DGKI: variants seen among roughly 807,000 people sequenced by gnomAD.
The protein encoded by DGKI is DAG kinase iota.
DGKI carries 55 observed loss-of-function variants against 147.5 expected under a neutral mutation model. The observed-to-expected ratio is 0.37, with a 90% CI of 0.30 to 0.47. The LOEUF (loss-of-function observed/expected upper bound fraction) is 0.47, where lower values mean the gene tolerates loss of function less well. Ranked by LOEUF, DGKI falls within the 20% of genes least tolerant of loss-of-function variation. The probability of loss-of-function intolerance (pLI) is 1.00; values close to 1 mark genes in which losing one functional copy is unlikely to be tolerated. For synonymous variants in DGKI, 469 were observed against 477.1 expected (o/e 0.98, Z 0.22); for missense variants, 1,007 against 1,323.8 (o/e 0.76, Z 3.71).
intron 1 of DGKI, among the ~76,000 whole-genome samples, chr7:137,793,025 G>T (rs1563200347): frequency 6.6e-6 from 1 of 152,174 alleles, no homozygotes; most frequent in Non-Finnish European, 1.5e-5. Flanking sequence ...TGTCTTATGA[G>T]GATGGTAAAG....
intron 6 of DGKI, among the ~76,000 whole-genome samples, chr7:137,643,632 G>A (rs540065223): frequency 3.3e-5 from 5 of 152,274 alleles, no homozygotes; most frequent in Middle Eastern, 3.4e-3. Flanking sequence ...CACTGACGAC[G>A]GACGTGCAGC....
chr7:137,485,378 T>G lies in DGKI; in HGVS notation c.2369A>C (p.Tyr790Ser). ...SVSSGSQRVH[Y>S]QDHETSFPRA... ...GGAGAGTCAATTATTTGTTACCTGGTAATGAACTCTCTGGGAGCCAGAAGA... is the reference window on the plus strand; with the variant it reads ...GGAGAGTCAATTATTTGTTACCTGGGAATGAACTCTCTGGGAGCCAGAAGA... Residue 790 changes from tyrosine (Y) to serine (S), a missense_variant, in exon 23 of 33, where the codon TAC becomes TCC. Coordinates refer to ENST00000614521, the MANE Select transcript of DGKI (RefSeq NM_001321708.2). The G allele has an allele frequency of 6.2e-7, 1 of 1,608,252 alleles. No individual in the cohort carries two copies. Among genetic ancestry groups the G allele is most frequent in the East Asian group, 2.2e-5 (1 of 44,722 alleles).
At chr7:137,496,423 T>A (rs2128940247) in intron 21 of DGKI, among the ~76,000 whole-genome samples, 2 of 152,134 alleles carry the variant, frequency 1.3e-5, no homozygotes, top group South Asian at 4.1e-4. Context: ...CCTATCAAAC[T>A]ACCAATGATA....
chr7:137,823,170 G>A (rs1273022055), intron 1 of DGKI, among the ~76,000 whole-genome samples: 1 of 151,916 alleles, frequency 6.6e-6, no homozygotes. Flanking sequence ...AAGTACACCA[G>A]TTTTGAAATT....
chr7:137,695,332 G>A (rs986241903), intron 1 of DGKI, among the ~76,000 whole-genome samples: 2 of 152,186 alleles, frequency 1.3e-5, no homozygotes, highest in Admixed American at 1.3e-4. Flanking sequence ...TTTACCGAAT[G>A]TCTATTTTAT....
chr7:137,464,151 T>C (rs1187098817), intron 26 of DGKI, among the ~76,000 whole-genome samples: 1 of 147,164 alleles, frequency 6.8e-6, no homozygotes, highest in Non-Finnish European at 1.5e-5. Flanking sequence ...CAGCTACCCA[T>C]GAGGCTGAGG....
intron 1 of DGKI, among the ~76,000 whole-genome samples, chr7:137,729,061 C>CA (rs1794794612): frequency 2.6e-5 from 4 of 151,920 alleles, no homozygotes; most frequent in Admixed American, 2.0e-4. Context: ...TTAAAACACA[C>CA]AAAAAAGATG....
At chr7:137,502,787 G>A (rs111675865) in intron 21 of DGKI, among the ~76,000 whole-genome samples, 168 of 152,230 alleles carry the variant, frequency 1.1e-3, no homozygotes, top group Middle Eastern at 3.4e-3. Context: ...AAGAGCCCCT[G>A]TTCTGAACTA....
intron 1 of DGKI, among the ~76,000 whole-genome samples, chr7:137,762,229 G>A (rs1330263695): frequency 6.6e-6 from 1 of 152,140 alleles, no homozygotes; most frequent in African/African-American, 2.4e-5. Flanking sequence ...AACTTAACTA[G>A]CGATCTTCTT....
At chr7:137,680,213 G>A (rs1025526298) in intron 2 of DGKI, among the ~76,000 whole-genome samples, 8 of 152,222 alleles carry the variant, frequency 5.3e-5, no homozygotes, top group South Asian at 2.1e-4. Flanking sequence ...TGCAAGTGAG[G>A]AAGAGGATTC....
chr7:137,565,554 G>C (rs186645044), intron 19 of DGKI, among the ~76,000 whole-genome samples: 71 of 152,216 alleles, frequency 4.7e-4, no homozygotes, highest in Admixed American at 1.8e-3. Flanking sequence ...AACTTACACA[G>C]TTTTATTTCA....
chr7:137,790,240 A>G (rs1481016873), intron 1 of DGKI, among the ~76,000 whole-genome samples: 1 of 148,844 alleles, frequency 6.7e-6, no homozygotes, highest in Non-Finnish European at 1.5e-5. Context: ...CAACACACAC[A>G]CACACACACA....
chr7:137,820,974 G>A (rs2551366), intron 1 of DGKI, among the ~76,000 whole-genome samples: 71,506 of 151,996 alleles, frequency 0.47, 17,491 homozygotes, highest in Middle Eastern at 0.61. Context: ...CCCTAGAGGG[G>A]GAGAGCAGCT....
At chr7:137,736,034 ACAGATCACACATGTTGTGTAG>A (rs1381169217) in intron 1 of DGKI, among the ~76,000 whole-genome samples, 14 of 152,036 alleles carry the variant, frequency 9.2e-5, no homozygotes, top group African/African-American at 3.4e-4. Flanking sequence ...GGCCCCACAC[ACAGATCACACATGTTGTGTAG>A]AAAGCCACTC....
chr7:137,653,153 T>C (rs1563133541), intron 5 of DGKI, among the ~76,000 whole-genome samples: 1 of 152,178 alleles, frequency 6.6e-6, no homozygotes, highest in Non-Finnish European at 1.5e-5. Flanking sequence ...TGCGCGCGCG[T>C]GCGCGCACTT....
chr7:137,404,550 T>C (rs1020587890), intron 30 of DGKI, among the ~76,000 whole-genome samples: 4 of 152,162 alleles, frequency 2.6e-5, no homozygotes, highest in Admixed American at 6.5e-5. Flanking sequence ...AAGAGATGGA[T>C]TGTGCTCTCC....
At chr7:137,613,711 C>T (rs1193398772) in intron 8 of DGKI, among the ~76,000 whole-genome samples, 2 of 152,094 alleles carry the variant, frequency 1.3e-5, no homozygotes, top group Admixed American at 6.6e-5. Flanking sequence ...CACCAGTAGG[C>T]AGATGGATCA....
rs114165437 is a variant in DGKI, at chr7:137,608,580, T to C, written c.1167+386A>G. On this transcript the variant is annotated intron_variant, in intron 10 of 32. Transcript: ENST00000614521. ...CTGAGGATAGGGATGAAAGTGGTTG[T>C]ATCTAAATTGCAATAGAAAGAAATA... Among the ~76,000 whole-genome samples, 1,133 of 152,272 alleles carry C rather than the reference T, an allele frequency of 7.4e-3. 15 individuals are homozygous for C. Among genetic ancestry groups the C allele is most frequent in the African/African-American group, 0.026 (1,072 of 41,564 alleles).
At chr7:137,620,027 A>ACACG (rs1820688599) in intron 7 of DGKI, 87 bp from the exon 8 acceptor site, 3 of 701,510 alleles carry the variant, frequency 4.3e-6, no homozygotes, top group Non-Finnish European at 7.3e-6. Flanking sequence ...ACGCACACAC[A>ACACG]CACACACACA....
Sources: allele counts gnomAD v4.1 joint callset (sites outside exome capture counted in the v4.1 genomes callset), GRCh38; gene constraint gnomAD v4.1.1; transcripts MANE v1.5; gene names NCBI Gene and HGNC (gene_info 2026-07-23, HGNC 2026-07-21).